Variants in PTPA observed in about 807,000 individuals in gnomAD.
PTPA encodes protein phosphatase 2 phosphatase activator, also known as serine/threonine-protein phosphatase 2A activator.
A neutral mutation model predicts 43.6 loss-of-function variants in PTPA; 13 were observed. That is an observed-to-expected ratio of 0.30 (90% CI 0.19 to 0.47). PTPA has a LOEUF of 0.47. Ranked by LOEUF, PTPA falls within the 20% of genes least tolerant of loss-of-function variation. The pLI, the probability that PTPA is intolerant of heterozygous loss-of-function variation, is 0.99. For synonymous variants in PTPA, 172 were observed against 158.2 expected, an observed-to-expected ratio of 1.09 and a Z score of -0.66; for missense variants, 329 against 411.9, an observed-to-expected ratio of 0.80 and a Z score of 1.74.
chr9:129,123,009 T>C, intron 2 of PTPA, 43 bp from the exon 3 acceptor site: 1 of 1,463,100 alleles, frequency 6.8e-7, no homozygotes, highest in South Asian at 1.2e-5. Context: ...CGGGGGGGTC[T>C]GCCACCCCTC....
At chr9:129,135,040 G>A (rs1850266732) in intron 6 of PTPA, 146 bp downstream of exon 6, 1 of 639,788 alleles carries the variant, frequency 1.6e-6, no homozygotes, top group Non-Finnish European at 2.6e-6. Context: ...GCTGTGGATG[G>A]AGTGTCCAAG....
In PTPA at chr9:129,143,051, G is replaced by C. The variant is rs894301990; in HGVS notation, c.894+499G>C. 5.3e-5 allele frequency: 42 copies of C among 796,824 alleles called. No individual in the cohort carries two copies. In the East Asian group the frequency reaches 1.1e-3, roughly 20 times the overall value. The allele number at this position is 796,824 out of a possible 1,614,324, so 49.4% of individuals were successfully genotyped here. A position where few individuals can be genotyped will look rare whatever the true frequency, so the allele number is the denominator to read the frequency against. Reference sequence around the variant, plus strand: ...TGGCATTTTTATGGACCGCTTCAGGGATTTTGATGCAAATGGTTTTCCCTG... The same window carrying C: ...TGGCATTTTTATGGACCGCTTCAGGCATTTTGATGCAAATGGTTTTCCCTG... On this transcript the variant is annotated intron_variant, in intron 9 of 9. Transcript: ENST00000393370.
chr9:129,129,673 G>A (rs1275399559), intron 4 of PTPA, among the ~76,000 whole-genome samples: 1 of 152,058 alleles, frequency 6.6e-6, no homozygotes, highest in African/African-American at 2.4e-5. Context: ...GTTTCACCGT[G>A]TTAGCCAGGA....
At chr9:129,145,321 T>G (rs1342239076) in intron 9 of PTPA, among the ~76,000 whole-genome samples, 3 of 147,832 alleles carry the variant, frequency 2.0e-5, no homozygotes, top group Non-Finnish European at 4.5e-5. Flanking sequence ...ACAGCGAGAC[T>G]CCATCTCAGG....
At chr9:129,131,485 A>AT in intron 4 of PTPA, 37 bp from the exon 5 acceptor site, 2 of 1,596,016 alleles carry the variant, frequency 1.3e-6, no homozygotes, top group Non-Finnish European at 1.7e-6. Context: ...ATGCTGCTTA[A>AT]TATGCTGCCA....
intron 1 of PTPA, among the ~76,000 whole-genome samples, chr9:129,112,731 C>T (rs1329799131): frequency 6.6e-6 from 1 of 152,146 alleles, no homozygotes; most frequent in Non-Finnish European, 1.5e-5. Context: ...CACCTGAGGT[C>T]GGGAGTTCGA....
At chr9:129,145,194 C>T (rs545369946) in intron 9 of PTPA, among the ~76,000 whole-genome samples, 2 of 151,642 alleles carry the variant, frequency 1.3e-5, no homozygotes, top group South Asian at 2.1e-4. Flanking sequence ...AGCCTGGCAT[C>T]GTGGTGCGCA....
At chr9:129,120,764 C>T in intron 2 of PTPA, 154 bp downstream of exon 2, 1 of 638,304 alleles carries the variant, frequency 1.6e-6, no homozygotes, top group African/African-American at 1.8e-5. Context: ...CTGTCTCTTC[C>T]CTTCAGAGGC....
Position 129,142,558 on chromosome 9 carries a change from T to A in PTPA, c.894+6T>A. The A allele has an allele frequency of 1.2e-6, 2 of 1,613,946 alleles. No individual in the cohort carries two copies. The highest frequency in any genetic ancestry group is 1.7e-6 in the Non-Finnish European group (2 of 1,179,952). On this transcript the variant is annotated splice_donor_region_variant and intron_variant, in intron 9 of 9. Coordinates refer to ENST00000393370, the MANE Select transcript of PTPA (RefSeq NM_178000.3). Reference sequence around the variant, plus strand: ...TCCGCATGTATAAGGCCGAGGTGAGTGGGGGCTGGCCAGTGTGCCCGTCCC... The same window carrying A: ...TCCGCATGTATAAGGCCGAGGTGAGAGGGGGCTGGCCAGTGTGCCCGTCCC...
chr9:129,125,732 A>T (rs1849533274), intron 3 of PTPA, among the ~76,000 whole-genome samples: 1 of 152,210 alleles, frequency 6.6e-6, no homozygotes, highest in Non-Finnish European at 1.5e-5. Context: ...CTGAGATCCC[A>T]CGAGTAGTGG....
intron 9 of PTPA, chr9:129,142,993 G>C: frequency 7.9e-7 from 1 of 1,264,024 alleles, no homozygotes; most frequent in Non-Finnish European, 1.1e-6. Context: ...TATGATCACT[G>C]AGTGGTGGGA....
At chr9:129,135,414 A>G (rs1347502301) in intron 6 of PTPA, among the ~76,000 whole-genome samples, 2 of 152,280 alleles carry the variant, frequency 1.3e-5, no homozygotes, top group Admixed American at 6.5e-5. Flanking sequence ...GAATTGTCAC[A>G]TAATGTCTGC....
In PTPA at chr9:129,147,709, A is replaced by C. The variant is rs1397772503; in HGVS notation, c.*245A>C. The C allele has an allele frequency of 2.0e-6, 1 of 505,798 alleles. No individual in the cohort carries two copies. Among genetic ancestry groups the C allele is most frequent in the South Asian group, 2.1e-5 (1 of 48,006 alleles). 31.3% of individuals were successfully genotyped at this position (505,798 alleles called of 1,614,324 possible). A position where few individuals can be genotyped will look rare whatever the true frequency, so the allele number is the denominator to read the frequency against. On this transcript the variant is annotated 3_prime_UTR_variant, in exon 10 of 10. Coordinates refer to ENST00000393370, the MANE Select transcript of PTPA (RefSeq NM_178000.3). ...CCGTGTGCTAGACTGGCCAGAAGAG[A>C]GGGTCTGGGGCCTGGTCACTCGGCC...
chr9:129,136,145 T>C (rs940186668), intron 6 of PTPA, among the ~76,000 whole-genome samples: 1 of 152,036 alleles, frequency 6.6e-6, no homozygotes, highest in Non-Finnish European at 1.5e-5. Context: ...TTTTTTGGAT[T>C]TTTAGTAGAG....
chr9:129,133,250 AG>A (rs1368358428), intron 5 of PTPA, among the ~76,000 whole-genome samples: 2 of 152,160 alleles, frequency 1.3e-5, no homozygotes, highest in Non-Finnish European at 2.9e-5. Context: ...CACAGGAGGG[AG>A]CCCCAGCCAC....
chr9:129,131,761 A>G, intron 5 of PTPA, 122 bp downstream of exon 5: 1 of 982,642 alleles, frequency 1.0e-6, no homozygotes, highest in Non-Finnish European at 1.6e-6. Flanking sequence ...AGCACCTGCA[A>G]CCTATTGGGG....
intron 8 of PTPA, among the ~76,000 whole-genome samples, chr9:129,138,949 C>A (rs533813752): frequency 1.3e-5 from 2 of 152,330 alleles, no homozygotes; most frequent in East Asian, 3.9e-4. Flanking sequence ...GCCTGGCTCA[C>A]TGCCTTGAAA....
At chr9:129,118,348 A>G (rs1588487463) in intron 1 of PTPA, among the ~76,000 whole-genome samples, 2 of 150,286 alleles carry the variant, frequency 1.3e-5, no homozygotes, top group East Asian at 2.0e-4. Flanking sequence ...CACCACGCCC[A>G]GCCTATTTGG....
chr9:129,120,610 G>T lies in PTPA; in HGVS notation c.129G>T (p.Gln43His). 1 of 1,609,654 alleles carries T rather than the reference G, an allele frequency of 6.2e-7. No individual in the cohort carries two copies. Among genetic ancestry groups the T allele is most frequent in the Non-Finnish European group, 8.5e-7 (1 of 1,176,186 alleles). ...VPDMGKWKRS[Q>H]AYADYIGFIL... ...ACATGGGCAAATGGAAGCGTTCTCA[G>T]GTACCATTTGGAACTGTGGTGAGAA... Residue 43 changes from glutamine (Q) to histidine (H), a missense_variant and splice_region_variant, in exon 2 of 10, where the codon CAG (glutamine) becomes CAT (histidine). By Grantham distance (24) the Gln-to-His change is conservative. Transcript: ENST00000393370.
Sources: allele counts gnomAD v4.1 joint callset (sites outside exome capture counted in the v4.1 genomes callset), GRCh38; gene constraint gnomAD v4.1.1; transcripts MANE v1.5; gene names NCBI Gene and HGNC (gene_info 2026-07-23, HGNC 2026-07-21).